The following XPO1 variants were observed in gnomAD, a reference collection of about 807,000 sequenced individuals.
XPO1 encodes the protein exportin-1.
In XPO1, 5 loss-of-function variants were observed where a neutral mutation model predicts 133.3. That is an observed-to-expected ratio of 0.04 (90% CI 0.02 to 0.08). The LOEUF is 0.08. Among genes scored for constraint, XPO1 ranks in the 10% least tolerant of loss-of-function variants. The probability of loss-of-function intolerance (pLI) is 1.00; values close to 1 mark genes in which losing one functional copy is unlikely to be tolerated. For synonymous variants in XPO1, 419 were observed against 408.2 expected, an observed-to-expected ratio of 1.03 and a Z score of -0.32; for missense variants, 506 against 1,267.5, an observed-to-expected ratio of 0.40 and a Z score of 9.12.
chr2:61,501,217 G>C (rs1333735894), intron 6 of XPO1, among the ~76,000 whole-genome samples: 1 of 152,026 alleles, frequency 6.6e-6, no homozygotes, highest in Admixed American at 6.6e-5. Flanking sequence ...TATTTAAATA[G>C]AAATTACTGT....
rs576385695 is a variant in XPO1 at position 61,518,497 on chromosome 2, G to A, written c.301+4114C>T. The stretch of plus-strand genomic sequence containing the variant: ...CCGGGCGTGGTGGCAGGCGCCTGCA[G>A]TCCCAGATACTCAGGAGGCTGAGGC... On this transcript the variant is annotated intron_variant, in intron 4 of 24. Coordinates refer to ENST00000401558, the MANE Select transcript of XPO1 (RefSeq NM_003400.4). Among the ~76,000 whole-genome samples the A allele has an allele frequency of 3.3e-5, 5 of 149,834 alleles. No individual in the cohort carries two copies. The South Asian group carries it at 8.5e-4, about 25-fold the overall frequency.
intron 4 of XPO1, 46 bp from the exon 5 acceptor site, chr2:61,502,356 G>T: frequency 1.9e-6 from 3 of 1,547,552 alleles, no homozygotes; most frequent in Non-Finnish European, 2.7e-6. Context: ...GAGCTCTTTT[G>T]TAGCATGCAA....
At chr2:61,497,241 G>A (rs1332924698) in intron 9 of XPO1, among the ~76,000 whole-genome samples, 1 of 152,112 alleles carries the variant, frequency 6.6e-6, no homozygotes, top group African/African-American at 2.4e-5. Flanking sequence ...TTTTGAGACA[G>A]AGTCTCGCTC....
chr2:61,507,048 G>A (rs1339874021), intron 4 of XPO1, among the ~76,000 whole-genome samples: 1 of 151,636 alleles, frequency 6.6e-6, no homozygotes, highest in African/African-American at 2.4e-5. Context: ...TGGCCAACGT[G>A]GTGAAACCTC....
chr2:61,507,297 C>T (rs888889856), intron 4 of XPO1, among the ~76,000 whole-genome samples: 5 of 143,296 alleles, frequency 3.5e-5, no homozygotes, highest in South Asian at 4.6e-4. Context: ...AAACAAGTCA[C>T]GCACGATGGC....
chr2:61,503,366 T>C (rs1334420123), intron 4 of XPO1, among the ~76,000 whole-genome samples: 1 of 151,826 alleles, frequency 6.6e-6, no homozygotes, highest in Admixed American at 6.6e-5. Context: ...GTTCAAGCAA[T>C]TGTCCTGCCT....
intron 12 of XPO1, 125 bp from the exon 13 acceptor site, chr2:61,493,178 G>GAATC: frequency 1.0e-6 from 1 of 969,446 alleles, no homozygotes; most frequent in Non-Finnish European, 1.5e-6. Context: ...AGGGATTCAT[G>GAATC]CCTATAATTC....
At chr2:61,519,580 T>C (rs1490654634) in intron 4 of XPO1, among the ~76,000 whole-genome samples, 2 of 147,030 alleles carry the variant, frequency 1.4e-5, no homozygotes, top group Non-Finnish European at 3.0e-5. Flanking sequence ...GTGCCTGTAG[T>C]CCCAGCTACT....
chr2:61,492,804 G>C lies in XPO1; in HGVS notation c.1385-56C>G. ...ATAATGAGCAGAATTTTATTGATGAGTAACAATACATTTAGAAAATATTTA... is the reference window on the plus strand; with the variant it reads ...ATAATGAGCAGAATTTTATTGATGACTAACAATACATTTAGAAAATATTTA... On this transcript the variant is annotated intron_variant, in intron 13 of 24. Transcript: ENST00000401558. This position sits in a 1 kb window ranked among gnomAD's most constrained non-coding sequence, Gnocchi z 5.6. 1.3e-6 allele frequency: 2 copies of C among 1,574,884 alleles called. No homozygotes were observed. Among genetic ancestry groups the C allele is most frequent in the Non-Finnish European group, 8.6e-7 (1 of 1,158,954 alleles).
At chr2:61,526,642 T>C in intron 2 of XPO1, 121 bp from the exon 3 acceptor site, 1 of 654,704 alleles carries the variant, frequency 1.5e-6, no homozygotes, top group Non-Finnish European at 2.3e-6. Flanking sequence ...TTATTGATGT[T>C]CAGAAATACT....
At chr2:61,532,036 T>C (rs561636638) in intron 2 of XPO1, among the ~76,000 whole-genome samples, 14 of 152,356 alleles carry the variant, frequency 9.2e-5, no homozygotes, top group African/African-American at 3.4e-4. Flanking sequence ...TGATGCTTTT[T>C]GGACTACTAT....
At chr2:61,530,903 T>A (rs1257142646) in intron 2 of XPO1, among the ~76,000 whole-genome samples, 2 of 152,186 alleles carry the variant, frequency 1.3e-5, no homozygotes, top group Non-Finnish European at 2.9e-5. Context: ...TACTGCTAAA[T>A]GTACCCTTTA....
At chr2:61,516,301 G>A (rs888770681) in intron 4 of XPO1, among the ~76,000 whole-genome samples, 4 of 150,526 alleles carry the variant, frequency 2.7e-5, no homozygotes, top group Admixed American at 6.6e-5. Flanking sequence ...GCGAAACTCC[G>A]CCTCGAAAAA....
At chr2:61,507,452 T>TG (rs1438517506) in intron 4 of XPO1, among the ~76,000 whole-genome samples, 1 of 151,934 alleles carries the variant, frequency 6.6e-6, no homozygotes, top group East Asian at 1.9e-4. Flanking sequence ...TTCGTGCCTA[T>TG]ACTCCTAGCT....
intron 2 of XPO1, among the ~76,000 whole-genome samples, chr2:61,527,570 T>C (rs1698961754): frequency 1.3e-5 from 2 of 152,170 alleles, no homozygotes; most frequent in South Asian, 4.1e-4. Context: ...GTTACCAAGA[T>C]CTCTCTAAAT....
intron 16 of XPO1, among the ~76,000 whole-genome samples, chr2:61,491,739 G>T (rs1032889323): frequency 6.6e-6 from 1 of 151,998 alleles, no homozygotes; most frequent in Non-Finnish European, 1.5e-5. Flanking sequence ...ACCAAGGGGG[G>T]GAAAAAGGTT....
intron 4 of XPO1, 30 bp from the exon 5 acceptor site, chr2:61,502,340 A>G: frequency 6.3e-7 from 1 of 1,593,310 alleles, no homozygotes; most frequent in African/African-American, 1.3e-5. Flanking sequence ...TAATAAAAAA[A>G]TTGTTGAGCT....
chr2:61,511,864 C>T (rs1424274345), intron 4 of XPO1, among the ~76,000 whole-genome samples: 1 of 152,096 alleles, frequency 6.6e-6, no homozygotes, highest in African/African-American at 2.4e-5. Context: ...GTCCAAGCAA[C>T]TCCCCTGCTG....
chr2:61,516,654 T>G (rs1325071423), intron 4 of XPO1, among the ~76,000 whole-genome samples: 5 of 152,084 alleles, frequency 3.3e-5, no homozygotes, highest in Non-Finnish European at 5.9e-5. Context: ...CCTCAGGTGA[T>G]CTGCCCGCCT....
Sources: gnomAD v4.1 joint callset for allele counts (sites outside exome capture counted in the v4.1 genomes callset) on GRCh38, gnomAD v4.1.1 for gene constraint, Gnocchi (gnomAD v3.1) non-coding constraint, MANE v1.5 for transcripts, NCBI Gene and HGNC (gene_info 2026-07-23, HGNC 2026-07-21) for gene names.